KIAA1328: variants seen among roughly 807,000 people sequenced by gnomAD.
KIAA1328 encodes protein hinderin.
KIAA1328 carries 52 observed loss-of-function variants against 68.1 expected under a neutral mutation model. The observed-to-expected ratio is 0.76, with a 90% CI of 0.61 to 0.96. KIAA1328 has a LOEUF of 0.96. KIAA1328 is among the 40% of genes least tolerant of loss of function. The probability of loss-of-function intolerance (pLI) is 0.00; values close to 1 mark genes in which losing one functional copy is unlikely to be tolerated. For missense variants in KIAA1328, 641 were observed against 677.6 expected, an observed-to-expected ratio of 0.95 and a Z score of 0.60; for synonymous variants, 232 against 239.4, an observed-to-expected ratio of 0.97 and a Z score of 0.28.
At chr18:37,041,968 A>G (rs1287496088) in intron 6 of KIAA1328, among the ~76,000 whole-genome samples, 1 of 152,048 alleles carries the variant, frequency 6.6e-6, no homozygotes, top group Non-Finnish European at 1.5e-5. Context: ...CACAGCCTCA[A>G]CTTCCCAGGG....
At position 37,021,956 on chromosome 18, in the gene KIAA1328, C is replaced by T. The variant is rs142069647; in HGVS notation, c.577-44934C>T. Among the ~76,000 whole-genome samples the T allele has an allele frequency of 7.5e-3, 1,138 of 152,120 alleles. 20 individuals are homozygous for T. The East Asian group carries it at 0.075, about 10-fold the overall frequency. ...TCAGGAGGCTGAGGCAGGAGAATGA[C>T]GTGAACCCAGGAGACAGAGCTTGCA... On this transcript the variant is annotated intron_variant, in intron 6 of 9. Transcript: ENST00000280020.
intron 9 of KIAA1328, among the ~76,000 whole-genome samples, chr18:37,178,526 T>C (rs1173523169): frequency 6.6e-6 from 1 of 152,182 alleles, no homozygotes; most frequent in Non-Finnish European, 1.5e-5. Context: ...TTGGCTATTA[T>C]GAGTGCTTCA....
chr18:37,128,525 A>G (rs571931982), intron 7 of KIAA1328, among the ~76,000 whole-genome samples: 8 of 152,296 alleles, frequency 5.3e-5, no homozygotes, highest in African/African-American at 1.9e-4. Flanking sequence ...GAGGATGTGG[A>G]GCAATGGGAA....
At chr18:36,863,505 G>A (rs2047638741) in intron 4 of KIAA1328, among the ~76,000 whole-genome samples, 1 of 151,900 alleles carries the variant, frequency 6.6e-6, no homozygotes, top group African/African-American at 2.4e-5. Flanking sequence ...TTCTAGTCCT[G>A]TGCCTTTCCA....
At chr18:37,065,954 G>A (rs1399113448) in intron 6 of KIAA1328, among the ~76,000 whole-genome samples, 1 of 152,134 alleles carries the variant, frequency 6.6e-6, no homozygotes, top group Non-Finnish European at 1.5e-5. Context: ...GGCAGATGGA[G>A]GTGTTCCATG....
chr18:36,952,597 G>A (rs926075004), intron 5 of KIAA1328, among the ~76,000 whole-genome samples: 1 of 152,134 alleles, frequency 6.6e-6, no homozygotes, highest in Non-Finnish European at 1.5e-5. Context: ...GTTACGATTT[G>A]AGCCAAGAAT....
intron 6 of KIAA1328, among the ~76,000 whole-genome samples, chr18:37,020,237 C>T (rs905586846): frequency 5.3e-5 from 8 of 152,164 alleles, no homozygotes; most frequent in African/African-American, 1.9e-4. Context: ...ATCCTCCTGC[C>T]TTAGCCTCCC....
chr18:37,148,682 T>G (rs573759356), intron 7 of KIAA1328, among the ~76,000 whole-genome samples: 1 of 152,248 alleles, frequency 6.6e-6, no homozygotes, highest in Non-Finnish European at 1.5e-5. Flanking sequence ...TGAGATGGTA[T>G]CTCTTTGTGG....
At chr18:36,875,289 C>T (rs2048082125) in intron 4 of KIAA1328, among the ~76,000 whole-genome samples, 1 of 152,114 alleles carries the variant, frequency 6.6e-6, no homozygotes, top group African/African-American at 2.4e-5. Context: ...AATATTGATT[C>T]TATCTTTGAG....
At chr18:36,858,199 C>G (rs2047442937) in intron 4 of KIAA1328, among the ~76,000 whole-genome samples, 1 of 152,098 alleles carries the variant, frequency 6.6e-6, no homozygotes, top group Admixed American at 6.6e-5. Flanking sequence ...GATTAATACA[C>G]TTTTACAGTT....
chr18:37,112,312 C>G (rs1015216578), intron 7 of KIAA1328, among the ~76,000 whole-genome samples: 3 of 152,192 alleles, frequency 2.0e-5, no homozygotes, highest in African/African-American at 7.2e-5. Context: ...GGGTGCCCCT[C>G]TGAAATGAAA....
rs112962785 is a variant in KIAA1328, at chr18:37,126,603, C to A, written c.1233-33597C>A. Among the ~76,000 whole-genome samples the A allele has an allele frequency of 3.5e-3, 540 of 152,222 alleles. 3 individuals carry two copies. Among genetic ancestry groups the A allele is most frequent in the African/African-American group, 0.012 (508 of 41,564 alleles). On this transcript the variant is annotated intron_variant, in intron 7 of 9. Coordinates refer to ENST00000280020, the MANE Select transcript of KIAA1328 (RefSeq NM_020776.3). ...AAGGAAGAAGGAATACTTTCAGACT[C>A]ATTTTGAGGCCACCATTACTTTGAT...
Position 37,024,038 on chromosome 18 carries a change from C to T in KIAA1328, c.577-42852C>T, listed in dbSNP as rs1010501043. ...ATGTGACAAAGTCTTGGTCTGATGC[C>T]AGGCTGGAGTGCAGTTGCATGAACA... On this transcript the variant is annotated intron_variant, in intron 6 of 9. Transcript: ENST00000280020. Among the ~76,000 whole-genome samples, 4 of 151,990 alleles carry T rather than the reference C, an allele frequency of 2.6e-5. No homozygotes were observed. In the East Asian group the frequency reaches 5.8e-4, roughly 22 times the overall value.
rs548172373 is a variant in KIAA1328, at chr18:36,981,878, C to G, written c.576+22443C>G. ...GAAGTGCTGGGATTATAGGCATGAG[C>G]CACCACACCCAGCAGATTGAACTTT... On this transcript the variant is annotated intron_variant, in intron 6 of 9. Coordinates refer to ENST00000280020, the MANE Select transcript of KIAA1328 (RefSeq NM_020776.3). Among the ~76,000 whole-genome samples the G allele has an allele frequency of 1.1e-4, 16 of 151,338 alleles. 1 individual carries two copies. The East Asian group carries it at 1.4e-3, about 13-fold the overall frequency.
intron 6 of KIAA1328, among the ~76,000 whole-genome samples, chr18:36,963,434 C>CT (rs1408390845): frequency 1.3e-5 from 2 of 152,160 alleles, no homozygotes; most frequent in African/African-American, 4.8e-5. Flanking sequence ...TATTAATAGT[C>CT]TTATCTTAAG....
At chr18:36,949,485 A>G (rs1275547892) in intron 5 of KIAA1328, among the ~76,000 whole-genome samples, 1 of 151,862 alleles carries the variant, frequency 6.6e-6, no homozygotes, top group East Asian at 1.9e-4. Flanking sequence ...AGTTGGAGAA[A>G]TAAACCTTGG....
intron 5 of KIAA1328, among the ~76,000 whole-genome samples, chr18:36,951,310 G>T (rs1438429748): frequency 1.3e-5 from 2 of 151,966 alleles, no homozygotes; most frequent in Admixed American, 6.6e-5. Context: ...GTTCATTATT[G>T]TATGTCTGGC....
chr18:36,945,425 G>T (rs2050865474), intron 5 of KIAA1328, among the ~76,000 whole-genome samples: 3 of 152,054 alleles, frequency 2.0e-5, no homozygotes, highest in Non-Finnish European at 4.4e-5. Context: ...TTTTCTCTGA[G>T]CAGTAATTTA....
intron 6 of KIAA1328, among the ~76,000 whole-genome samples, chr18:37,048,185 T>C (rs1208884128): frequency 6.6e-6 from 1 of 152,238 alleles, no homozygotes; most frequent in Non-Finnish European, 1.5e-5. Context: ...TAAGTATTTT[T>C]GAATAAGCTG....
Sources: allele counts gnomAD v4.1 joint callset (sites outside exome capture counted in the v4.1 genomes callset), GRCh38; gene constraint gnomAD v4.1.1; transcripts MANE v1.5; gene names NCBI Gene and HGNC (gene_info 2026-07-23, HGNC 2026-07-21).